FBXL13: variants seen among roughly 807,000 people sequenced by gnomAD.
The protein encoded by FBXL13 is F-box and leucine-rich repeat protein 13.
In FBXL13, 67 loss-of-function variants were observed where a neutral mutation model predicts 83.6. That is an observed-to-expected ratio of 0.80 (90% CI 0.66 to 0.98). The LOEUF (loss-of-function observed/expected upper bound fraction) is 0.98. FBXL13 is among the 50% of genes least tolerant of loss of function. FBXL13 has a pLI of 0.00. For synonymous variants in FBXL13, 272 were observed against 299.5 expected, an observed-to-expected ratio of 0.91 and a Z score of 0.95; for missense variants, 822 against 866.5, an observed-to-expected ratio of 0.95 and a Z score of 0.64.
intron 8 of FBXL13, among the ~76,000 whole-genome samples, chr7:102,962,810 T>C (rs1163541604): frequency 7.2e-6 from 1 of 138,044 alleles, no homozygotes; most frequent in African/African-American, 2.7e-5. Flanking sequence ...GGAAGGGGAA[T>C]ATCACACTCT....
chr7:102,973,870 C>T, intron 6 of FBXL13: 1 of 693,560 alleles, frequency 1.4e-6, no homozygotes, highest in South Asian at 1.5e-5. Context: ...AAGGCTCCGA[C>T]GTGTGCCAGG....
At chr7:102,831,393 G>C (rs1445372690) in intron 18 of FBXL13, among the ~76,000 whole-genome samples, 1 of 103,618 alleles carries the variant, frequency 9.7e-6, no homozygotes, top group Non-Finnish European at 2.0e-5. Context: ...ACAGTGCCCG[G>C]GACACACACA....
chr7:103,037,475 T>C (rs1795185608), intron 2 of FBXL13, among the ~76,000 whole-genome samples: 2 of 152,220 alleles, frequency 1.3e-5, no homozygotes, highest in Admixed American at 1.3e-4. Context: ...ACGATGCTCC[T>C]CTGTGATAGC....
At chr7:102,908,110 C>CT (rs894441380) in intron 11 of FBXL13, among the ~76,000 whole-genome samples, 1 of 152,100 alleles carries the variant, frequency 6.6e-6, no homozygotes, top group Non-Finnish European at 1.5e-5. Flanking sequence ...AAGACTCATT[C>CT]TTTTTTATTT....
At chr7:103,049,763 C>T (rs536198504) in intron 2 of FBXL13, among the ~76,000 whole-genome samples, 78 of 152,284 alleles carry the variant, frequency 5.1e-4, no homozygotes, top group African/African-American at 1.5e-3. Flanking sequence ...TTTCTTATTA[C>T]CCGACTTTAG....
chr7:102,882,095 T>C (rs1447929757), intron 14 of FBXL13, among the ~76,000 whole-genome samples: 2 of 152,060 alleles, frequency 1.3e-5, no homozygotes, highest in Non-Finnish European at 2.9e-5. Context: ...ACCCCGACTC[T>C]AGAAAAATTT....
intron 16 of FBXL13, among the ~76,000 whole-genome samples, chr7:102,860,969 TTATA>T (rs1408713176): frequency 2.0e-5 from 3 of 149,448 alleles, no homozygotes; most frequent in South Asian, 2.2e-4. Flanking sequence ...TATGCATAGT[TTATA>T]TATAGTTATA....
chr7:103,072,054 G>A (rs1185375581), intron 1 of FBXL13, among the ~76,000 whole-genome samples: 2 of 151,908 alleles, frequency 1.3e-5, no homozygotes, highest in Non-Finnish European at 2.9e-5. Flanking sequence ...ATGGTGGCAG[G>A]TGCCTGTAGT....
chr7:102,904,769 TA>T (rs1296885318), intron 11 of FBXL13, among the ~76,000 whole-genome samples: 1 of 152,084 alleles, frequency 6.6e-6, no homozygotes, highest in Non-Finnish European at 1.5e-5. Flanking sequence ...CTTCCCTGAG[TA>T]TTGCTTTTGC....
At chr7:103,048,592 A>G (rs2129494528) in intron 2 of FBXL13, among the ~76,000 whole-genome samples, 1 of 152,314 alleles carries the variant, frequency 6.6e-6, no homozygotes, top group African/African-American at 2.4e-5. Flanking sequence ...CAGTTTGACC[A>G]TAAGGTGAGA....
intron 2 of FBXL13, among the ~76,000 whole-genome samples, chr7:103,045,987 T>A (rs1796235888): frequency 6.6e-6 from 1 of 152,184 alleles, no homozygotes; most frequent in Non-Finnish European, 1.5e-5. Flanking sequence ...ATGCAAGATT[T>A]AAAACCTTCG....
chr7:102,977,864 G>T (rs1251786197), intron 6 of FBXL13, among the ~76,000 whole-genome samples: 2 of 152,022 alleles, frequency 1.3e-5, no homozygotes, highest in African/African-American at 4.8e-5. Context: ...ACCAAACACT[G>T]CATATTCTCA....
At chr7:103,027,541 G>T (rs1299224944) in exon 5 of FBXL13, 5 of 1,610,642 alleles carry the variant, frequency 3.1e-6, no homozygotes, top group Non-Finnish European at 4.2e-6. Context: ...ATGATCTGTT[G>T]TATCCGCAAT....
chr7:102,932,265 AT>A (rs1819328813), intron 8 of FBXL13, among the ~76,000 whole-genome samples: 1 of 152,096 alleles, frequency 6.6e-6, no homozygotes, highest in Non-Finnish European at 1.5e-5. Flanking sequence ...CTGCTTTTTT[AT>A]TTTTTTGTTT....
At chr7:102,827,740 T>C (rs1028115345) in intron 18 of FBXL13, among the ~76,000 whole-genome samples, 3 of 152,128 alleles carry the variant, frequency 2.0e-5, no homozygotes, top group Non-Finnish European at 4.4e-5. Flanking sequence ...TGTGTTCTCA[T>C]TGTTCAATTC....
At chr7:102,929,577 T>C (rs1175829479) in intron 9 of FBXL13, among the ~76,000 whole-genome samples, 1 of 143,642 alleles carries the variant, frequency 7.0e-6, no homozygotes, top group Non-Finnish European at 1.5e-5. Flanking sequence ...GGCAGGAGAA[T>C]CACTTGAACC....
At chr7:103,034,659 T>G (rs1794895502) in intron 2 of FBXL13, among the ~76,000 whole-genome samples, 1 of 152,166 alleles carries the variant, frequency 6.6e-6, no homozygotes, top group Admixed American at 6.5e-5. Context: ...CACAGTGCAG[T>G]GGCAGGCTGA....
chr7:103,000,178 A>G (rs1052047145), intron 6 of FBXL13, among the ~76,000 whole-genome samples: 8 of 152,096 alleles, frequency 5.3e-5, no homozygotes, highest in Non-Finnish European at 1.2e-4. Flanking sequence ...ACTCAGGAGT[A>G]TGTTGGTCAA....
intron 10 of FBXL13, among the ~76,000 whole-genome samples, chr7:102,924,277 G>C (rs1489569427): frequency 6.6e-6 from 1 of 151,490 alleles, no homozygotes; most frequent in African/African-American, 2.4e-5. Flanking sequence ...GCTTAGCTTA[G>C]GTACTGCAAA....
Sources: allele counts gnomAD v4.1 joint callset (sites outside exome capture counted in the v4.1 genomes callset), GRCh38; gene constraint gnomAD v4.1.1; transcripts MANE v1.5; gene names NCBI Gene and HGNC (gene_info 2026-07-23, HGNC 2026-07-21).